FRS2: variants seen among roughly 807,000 people sequenced by gnomAD.
FRS2 encodes the protein fibroblast growth factor receptor substrate 2, also known as FGFR signalling adaptor.
In FRS2, 8 loss-of-function variants were observed where a neutral mutation model predicts 43.9. The ratio of observed to expected loss-of-function variants is 0.18; its 90% confidence interval spans 0.11 to 0.33. The LOEUF (loss-of-function observed/expected upper bound fraction) is 0.33, where lower values mean the gene tolerates loss of function less well. FRS2 is among the 10% of genes least tolerant of loss of function. The pLI is 1.00. For missense variants in FRS2, 534 were observed against 627.6 expected (o/e 0.85, Z 1.59); for synonymous variants, 219 against 220.3 (o/e 0.99, Z 0.05).
chr12:69,471,809 A>C (rs767693257), intron 1 of FRS2, among the ~76,000 whole-genome samples: 1 of 152,226 alleles, frequency 6.6e-6, no homozygotes, highest in African/African-American at 2.4e-5. Context: ...CAGTGACGCT[A>C]TCTGCAACTC....
intron 4 of FRS2, among the ~76,000 whole-genome samples, chr12:69,566,381 T>A (rs1418208488): frequency 1.3e-5 from 2 of 152,176 alleles, no homozygotes; most frequent in Non-Finnish European, 2.9e-5. Flanking sequence ...AGAAGACTTT[T>A]AAAAAATGTC....
chr12:69,556,384 G>T (rs937998062), intron 3 of FRS2, among the ~76,000 whole-genome samples: 1 of 150,538 alleles, frequency 6.6e-6, no homozygotes, highest in African/African-American at 2.4e-5. Flanking sequence ...CAAGCCTGGA[G>T]TGCAATGGCG....
chr12:69,470,436 G>C lies in FRS2; in HGVS notation c.-355G>C, dbSNP rs1177110918. On this transcript the variant is annotated 5_prime_UTR_variant, in exon 1 of 9. Coordinates refer to ENST00000549921, the MANE Select transcript of FRS2 (RefSeq NM_001278356.2). The stretch of plus-strand genomic sequence containing the variant: ...CTTGTAGGCACAGCGGCTGAGACTC[G>C]ATCTGCTCCAAGTAGGGGCTCCAGC... 2 of 398,466 alleles carry C rather than the reference G, an allele frequency of 5.0e-6. No individual in the cohort carries two copies. The highest frequency in any genetic ancestry group is 3.6e-5 in the East Asian group (1 of 28,076). 24.7% of individuals were successfully genotyped at this position (398,466 alleles called of 1,614,324 possible). A position where few individuals can be genotyped will look rare whatever the true frequency, so the allele number is the denominator to read the frequency against.
At chr12:69,484,140 A>G (rs967799016) in intron 1 of FRS2, among the ~76,000 whole-genome samples, 4 of 151,320 alleles carry the variant, frequency 2.6e-5, no homozygotes, top group Non-Finnish European at 4.4e-5. Flanking sequence ...GCTAGAGTGC[A>G]GTGGTGCAAT....
In FRS2 at chr12:69,556,013, G is replaced by C. The variant is rs559716634; in HGVS notation, c.-121-6167G>C. Among the ~76,000 whole-genome samples the C allele has an allele frequency of 1.3e-4, 19 of 151,416 alleles. 1 individual carries two copies. Among genetic ancestry groups the C allele is most frequent in the East Asian group, 3.9e-4 (2 of 5,140 alleles). On this transcript the variant is annotated intron_variant, in intron 3 of 8. Transcript: ENST00000549921. ...TTTGATCAGTGTGTGTGTGGCGGGGGGGGGGGCGGTGTACACATGGTATAC... is the reference window on the plus strand; with the variant it reads ...TTTGATCAGTGTGTGTGTGGCGGGGCGGGGGGCGGTGTACACATGGTATAC...
At chr12:69,573,945 CT>C (rs1407954087) in intron 8 of FRS2, 59 bp from the exon 9 acceptor site, 44 of 1,134,402 alleles carry the variant, frequency 3.9e-5, no homozygotes, top group Non-Finnish European at 4.8e-5. Context: ...TGTGGTCAGG[CT>C]TTTTTTCAGT....
Position 69,570,409 on chromosome 12 carries a change from A to G in FRS2, c.145A>G (p.Thr49Ala). Reference sequence around the variant, plus strand: ...TACAGACACAGAACTGATTTTATACACCCGCAAACGTGACTCAGTAAAATG... The same window carrying G: ...TACAGACACAGAACTGATTTTATACGCCCGCAAACGTGACTCAGTAAAATG... Reference protein sequence around the residue: ...ELTDTELILYTRKRDSVKWHY... With the variant: ...ELTDTELILYARKRDSVKWHY... The change falls in exon 6 of 9, where the codon ACC becomes GCC. Residue 49 changes from threonine (T) to alanine (A), a missense_variant. Around this residue, in one of 3 missense-constraint regions of FRS2, gnomAD observed 76 missense variants for 90.5 expected, o/e 0.84. Coordinates refer to ENST00000549921, the MANE Select transcript of FRS2 (RefSeq NM_001278356.2). 5.0e-6 allele frequency: 8 copies of G among 1,612,910 alleles called. No individual in the cohort carries two copies. The highest frequency in any genetic ancestry group is 6.8e-6 in the Non-Finnish European group (8 of 1,178,974).
intron 3 of FRS2, among the ~76,000 whole-genome samples, chr12:69,549,995 C>T (rs579046): frequency 0.093 from 14,196 of 152,206 alleles, 873 homozygotes; most frequent in Non-Finnish European, 0.14. Flanking sequence ...GCAGTCTCAT[C>T]TGTCCGTATG....
chr12:69,489,428 T>C (rs535857562), intron 1 of FRS2, among the ~76,000 whole-genome samples: 1 of 152,226 alleles, frequency 6.6e-6, no homozygotes, highest in East Asian at 1.9e-4. Context: ...CCAGCACTTT[T>C]GGAGGCTGAG....
At chr12:69,516,513 C>T (rs1042621001) in intron 1 of FRS2, among the ~76,000 whole-genome samples, 7 of 152,046 alleles carry the variant, frequency 4.6e-5, no homozygotes, top group Admixed American at 1.3e-4. Context: ...CCACTGCGCC[C>T]GGCCAAAAGT....
intron 1 of FRS2, among the ~76,000 whole-genome samples, chr12:69,513,205 T>C (rs1010542613): frequency 1.3e-5 from 2 of 151,768 alleles, no homozygotes; most frequent in Non-Finnish European, 2.9e-5. Context: ...ACAATATACC[T>C]TTCCAAATTC....
At chr12:69,544,011 CAA>C (rs1878144240) in intron 3 of FRS2, among the ~76,000 whole-genome samples, 1 of 112,028 alleles carries the variant, frequency 8.9e-6, no homozygotes, top group African/African-American at 3.5e-5. Flanking sequence ...TTGAAGTGGA[CAA>C]AAAATGACAA....
chr12:69,542,627 G>C (rs956794710), intron 3 of FRS2, among the ~76,000 whole-genome samples: 1 of 152,116 alleles, frequency 6.6e-6, no homozygotes, highest in Non-Finnish European at 1.5e-5. Flanking sequence ...TTCCAAACTT[G>C]TACCTTCCAA....
rs57688271 is a variant in FRS2, at chr12:69,479,390, C to CTTTTTTTTTTTTTTTT, written c.-261+8862_-261+8877dup. Among the ~76,000 whole-genome samples the CTTTTTTTTTTTTTTTT allele has an allele frequency of 1.0e-4, 12 of 119,664 alleles. 1 individual carries two copies. Among genetic ancestry groups the CTTTTTTTTTTTTTTTT allele is most frequent in the East Asian group, 4.9e-4 (2 of 4,076 alleles). 78.5% of individuals were successfully genotyped at this position (119,664 alleles called of 152,430 possible). ...GTCCTTTACAGTTAATCTGTTGTTTCTTTTTTTTTTTTTTTTTCTTTTTTT... is the reference window on the plus strand; with the variant it reads ...GTCCTTTACAGTTAATCTGTTGTTTCTTTTTTTTTTTTTTTTTTTTTTTTTTTTTTTTTCTTTTTTT... On this transcript the variant is annotated intron_variant, in intron 1 of 8. Coordinates refer to ENST00000549921, the MANE Select transcript of FRS2 (RefSeq NM_001278356.2).
intron 1 of FRS2, chr12:69,486,172 A>G (rs1871924234): frequency 1.5e-5 from 2 of 133,638 alleles, no homozygotes; most frequent in Admixed American, 8.0e-5. Flanking sequence ...TGTGTTTTGC[A>G]GATAACTGCA....
intron 3 of FRS2, among the ~76,000 whole-genome samples, chr12:69,560,944 A>T (rs564897655): frequency 6.6e-6 from 1 of 152,310 alleles, no homozygotes; most frequent in East Asian, 1.9e-4. Context: ...ATGTGCAGTC[A>T]TTAAATTCAT....
chr12:69,530,285 T>C (rs971536003), intron 1 of FRS2, among the ~76,000 whole-genome samples: 27 of 151,788 alleles, frequency 1.8e-4, no homozygotes, highest in African/African-American at 6.0e-4. Flanking sequence ...TTTTTTTTTT[T>C]CCAGTCTGTA....
At chr12:69,520,910 G>A (rs1039751909) in intron 1 of FRS2, among the ~76,000 whole-genome samples, 1 of 151,780 alleles carries the variant, frequency 6.6e-6, no homozygotes, top group Non-Finnish European at 1.5e-5. Context: ...CTTTTTTTGT[G>A]GTGGTTGTTC....
chr12:69,473,412 G>C (rs1030635693), intron 1 of FRS2, among the ~76,000 whole-genome samples: 59 of 152,338 alleles, frequency 3.9e-4, no homozygotes, highest in African/African-American at 1.1e-3. Flanking sequence ...GAGTAGGTGG[G>C]TGAAGAAGGC....
Sources: gnomAD v4.1 joint callset for allele counts (sites outside exome capture counted in the v4.1 genomes callset) on GRCh38, gnomAD v4.1.1 for gene constraint, gnomAD v4.1.1 regional missense constraint, MANE v1.5 for transcripts, NCBI Gene and HGNC (gene_info 2026-07-23, HGNC 2026-07-21) for gene names.